ASRGL1: variants seen among roughly 807,000 people sequenced by gnomAD.
ASRGL1 encodes asparaginase and isoaspartyl peptidase 1, also known as isoaspartyl peptidase/L-asparaginase.
In ASRGL1, 16 loss-of-function variants were observed where a neutral mutation model predicts 22.4. The ratio of observed to expected loss-of-function variants is 0.71; its 90% confidence interval spans 0.48 to 1.08. ASRGL1 has a LOEUF of 1.08. Among genes scored for constraint, ASRGL1 ranks in the 50% least tolerant of loss-of-function variants. The pLI is 0.00. For missense variants in ASRGL1, 412 were observed against 410.1 expected, an observed-to-expected ratio of 1.00 and a Z score of -0.04; for synonymous variants, 165 against 159.3, an observed-to-expected ratio of 1.04 and a Z score of -0.27.
chr11:62,355,664 CGCAG>C (rs1946270397), intron 2 of ASRGL1, among the ~76,000 whole-genome samples: 1 of 138,104 alleles, frequency 7.2e-6, no homozygotes, highest in African/African-American at 2.7e-5. Flanking sequence ...GGGTGTTTCT[CGCAG>C]AGGGGGATTT....
chr11:62,358,769 C>G (rs1238018517), intron 4 of ASRGL1, among the ~76,000 whole-genome samples: 2 of 152,194 alleles, frequency 1.3e-5, no homozygotes, highest in Admixed American at 6.5e-5. Context: ...ATCCGTTGCT[C>G]TATGTCTTGG....
intron 4 of ASRGL1, among the ~76,000 whole-genome samples, chr11:62,365,476 C>T (rs1048896510): frequency 5.3e-5 from 8 of 152,070 alleles, no homozygotes; most frequent in Admixed American, 4.6e-4. Flanking sequence ...ATCACTTGAA[C>T]CTGGGAGGCA....
intron 4 of ASRGL1, among the ~76,000 whole-genome samples, chr11:62,363,191 C>T (rs1946526364): frequency 6.6e-6 from 1 of 151,662 alleles, no homozygotes; most frequent in South Asian, 2.1e-4. Flanking sequence ...CCTCAGCCTC[C>T]CAAAGTGCTG....
At chr11:62,357,701 T>G (rs888644694) in intron 4 of ASRGL1, among the ~76,000 whole-genome samples, 1 of 152,184 alleles carries the variant, frequency 6.6e-6, no homozygotes, top group African/African-American at 2.4e-5. Context: ...CTTTCATAGT[T>G]TAGAGAAATC....
intron 4 of ASRGL1, among the ~76,000 whole-genome samples, chr11:62,376,862 G>GT (rs998579621): frequency 6.6e-6 from 1 of 152,162 alleles, no homozygotes. Flanking sequence ...GACAATAAAT[G>GT]TTTTTTAACA....
At chr11:62,367,568 C>G (rs1946644074) in intron 4 of ASRGL1, among the ~76,000 whole-genome samples, 1 of 151,838 alleles carries the variant, frequency 6.6e-6, no homozygotes, top group African/African-American at 2.4e-5. Context: ...CACTTGCACC[C>G]AGGAGGTGGA....
intron 4 of ASRGL1, among the ~76,000 whole-genome samples, chr11:62,361,211 A>T (rs1010523532): frequency 2.0e-5 from 3 of 151,334 alleles, no homozygotes; most frequent in East Asian, 1.9e-4. Flanking sequence ...TGTTTTTTTG[A>T]GACAAGGTCT....
At chr11:62,391,659 T>C in intron 6 of ASRGL1, 27 bp downstream of exon 6, 2 of 1,576,786 alleles carry the variant, frequency 1.3e-6, no homozygotes, top group African/African-American at 1.4e-5. Context: ...ACAAGTAAAA[T>C]AATTTGTGAA....
At chr11:62,364,702 T>C (rs779680910) in intron 4 of ASRGL1, among the ~76,000 whole-genome samples, 1 of 152,182 alleles carries the variant, frequency 6.6e-6, no homozygotes, top group Non-Finnish European at 1.5e-5. Context: ...AGCAACTTGA[T>C]ACTAAGTGAA....
At chr11:62,338,406 G>A (rs1339955037) in intron 2 of ASRGL1, 1 of 445,474 alleles carries the variant, frequency 2.2e-6, no homozygotes, top group East Asian at 3.7e-5. Context: ...CAGCTCTTGG[G>A]AAATCCTGAG....
chr11:62,362,952 T>TGTGG (rs2134632668), intron 4 of ASRGL1, among the ~76,000 whole-genome samples: 1 of 104,638 alleles, frequency 9.6e-6, no homozygotes, highest in Non-Finnish European at 1.7e-5. Context: ...AGAGTCTTGC[T>TGTGG]GTGTCACCCA....
chr11:62,360,927 AT>A, intron 4 of ASRGL1, among the ~76,000 whole-genome samples: 1 of 152,366 alleles, frequency 6.6e-6, no homozygotes, highest in Admixed American at 6.5e-5. Context: ...TGTATCCAAT[AT>A]TTAGCCAAGC....
rs1478758215 is a variant in ASRGL1, at chr11:62,392,177, T to C, written c.820T>C (p.Trp274Arg). 6.2e-7 allele frequency: 1 copy of C among 1,614,092 alleles called. No individual in the cohort carries two copies. Among genetic ancestry groups the C allele is most frequent in the Non-Finnish European group, 8.5e-7 (1 of 1,180,034 alleles). The change falls in exon 7 of 7, where the codon TGG (tryptophan) becomes CGG (arginine). Residue 274 changes from tryptophan (W) to arginine (R), a missense_variant. Coordinates refer to ENST00000415229, the MANE Select transcript of ASRGL1 (RefSeq NM_001083926.2). ...CATCGTGGTTAGCAAAACAGGAGACTGGGTGGCAAAGTGGACCTCCACCTC... is the reference window on the plus strand; with the variant it reads ...CATCGTGGTTAGCAAAACAGGAGACCGGGTGGCAAAGTGGACCTCCACCTC... ...GLIVVSKTGD[W>R]VAKWTSTSMP...
At chr11:62,358,491 C>T (rs1183585766) in intron 4 of ASRGL1, among the ~76,000 whole-genome samples, 4 of 151,762 alleles carry the variant, frequency 2.6e-5, no homozygotes, top group African/African-American at 4.8e-5. Context: ...GCATGATTTA[C>T]GTTCATTTTG....
chr11:62,338,113 G>C lies in ASRGL1; in HGVS notation c.136G>C (p.Asp46His). 6.2e-7 allele frequency: 1 copy of C among 1,607,094 alleles called. No individual in the cohort carries two copies. The highest frequency in any genetic ancestry group is 8.5e-7 in the Non-Finnish European group (1 of 1,177,206). ...CCTCCGGGAGGGCGGGAGCGCCGTG[G>C]ATGCCGTAGAGGGAGCTGTCGTCGC... ...GILREGGSAV[D>H]AVEGAVVALE... Residue 46 changes from aspartate to histidine, a missense_variant, in exon 2 of 7, where the codon GAT becomes CAT. Coordinates refer to ENST00000415229, the MANE Select transcript of ASRGL1 (RefSeq NM_001083926.2).
intron 5 of ASRGL1, chr11:62,389,486 C>T (rs535395748): frequency 1.2e-3 from 675 of 571,748 alleles, no homozygotes; most frequent in Admixed American, 2.7e-3. Flanking sequence ...CTTTTTGGAA[C>T]AACTTGGGGA....
intron 4 of ASRGL1, among the ~76,000 whole-genome samples, chr11:62,362,610 A>G (rs368957088): frequency 2.2e-5 from 1 of 46,090 alleles, no homozygotes; most frequent in Non-Finnish European, 4.0e-5. Context: ...TATATAAAAT[A>G]TATATTATAT....
chr11:62,350,246 A>G (rs1317550239), intron 2 of ASRGL1, among the ~76,000 whole-genome samples: 1 of 152,146 alleles, frequency 6.6e-6, no homozygotes, highest in Non-Finnish European at 1.5e-5. Flanking sequence ...CCTGAGATCC[A>G]TCTAAGTTGT....
intron 4 of ASRGL1, chr11:62,373,084 A>G: frequency 2.0e-6 from 3 of 1,465,454 alleles, no homozygotes; most frequent in Non-Finnish European, 2.9e-6. Flanking sequence ...GCCATGGGCT[A>G]CTCACACTCC....
Sources: allele counts gnomAD v4.1 joint callset (sites outside exome capture counted in the v4.1 genomes callset), GRCh38; gene constraint gnomAD v4.1.1; transcripts MANE v1.5; gene names NCBI Gene and HGNC (gene_info 2026-07-23, HGNC 2026-07-21).